Variants in BCAT1 observed in about 807,000 individuals in gnomAD.
BCAT1 encodes branched-chain-amino-acid aminotransferase, cytosolic.
BCAT1 carries 48 observed loss-of-function variants against 52.4 expected under a neutral mutation model. The observed-to-expected ratio is 0.92, with a 90% CI of 0.73 to 1.16. The LOEUF is 1.16. Ranked by LOEUF, BCAT1 falls within the 50% of genes most tolerant of loss-of-function variation. The pLI is 0.00. For synonymous variants in BCAT1, 167 were observed against 161.3 expected (o/e 1.04, Z -0.27); for missense variants, 451 against 457.1 (o/e 0.99, Z 0.12).
At position 24,901,897 on chromosome 12, in the gene BCAT1, A is replaced by ATTAAACCACCATTAAGTAAATGCAG; in HGVS notation, c.7-37_7-13dup. The ATTAAACCACCATTAAGTAAATGCAG allele has an allele frequency of 6.2e-7, 1 of 1,613,506 alleles. No homozygotes were observed. Among genetic ancestry groups the ATTAAACCACCATTAAGTAAATGCAG allele is most frequent in the South Asian group, 1.1e-5 (1 of 91,042 alleles). On this transcript the variant is annotated splice_polypyrimidine_tract_variant and intron_variant, in intron 1 of 10. Transcript: ENST00000261192. ...CCGTTACTGCAATCCTTAAAGAAGA[A>ATTAAACCACCATTAAGTAAATGCAG]TTAAACCACCATTAAGTAAATGCAG...
At chr12:24,925,801 G>A (rs961198411) in intron 1 of BCAT1, among the ~76,000 whole-genome samples, 6 of 151,854 alleles carry the variant, frequency 4.0e-5, no homozygotes, top group African/African-American at 7.3e-5. Flanking sequence ...TGTGTTGGCC[G>A]GGCTGGTCTC....
chr12:24,837,146 A>AAGGAAGGGAGGG (rs66475442), intron 7 of BCAT1, among the ~76,000 whole-genome samples: 4 of 91,922 alleles, frequency 4.4e-5, no homozygotes, highest in Non-Finnish European at 7.7e-5. Context: ...GGAAGGAAGG[A>AAGGAAGGGAGGG]AAGTTATCTA....
intron 1 of BCAT1, among the ~76,000 whole-genome samples, chr12:24,916,366 G>C (rs1448234155): frequency 6.6e-6 from 1 of 152,166 alleles, no homozygotes; most frequent in African/African-American, 2.4e-5. Flanking sequence ...GGTACCAGGT[G>C]TGTCTTTTTC....
intron 1 of BCAT1, among the ~76,000 whole-genome samples, chr12:24,906,853 T>C (rs1161913877): frequency 6.6e-6 from 1 of 152,216 alleles, no homozygotes; most frequent in East Asian, 1.9e-4. Flanking sequence ...CCAACCATGT[T>C]ATCCGCATCC....
intron 5 of BCAT1, among the ~76,000 whole-genome samples, chr12:24,861,991 G>A (rs985318767): frequency 4.6e-5 from 7 of 152,164 alleles, no homozygotes; most frequent in African/African-American, 1.7e-4. Context: ...AAATGCCATG[G>A]CAACATCCAG....
chr12:24,863,930 CAA>C (rs113367318), intron 5 of BCAT1, among the ~76,000 whole-genome samples: 8 of 136,670 alleles, frequency 5.9e-5, no homozygotes, highest in Admixed American at 1.5e-4. Context: ...GACCTTGTCT[CAA>C]AAAAAAAAAA....
intron 2 of BCAT1, among the ~76,000 whole-genome samples, chr12:24,898,866 T>C (rs529908739): frequency 5.9e-5 from 9 of 152,282 alleles, no homozygotes; most frequent in Middle Eastern, 6.8e-3. Context: ...CTTCTCTTCA[T>C]TGGCCACATT....
At chr12:24,932,483 C>T (rs1272822446) in intron 1 of BCAT1, among the ~76,000 whole-genome samples, 4 of 152,238 alleles carry the variant, frequency 2.6e-5, no homozygotes, top group African/African-American at 9.6e-5. Context: ...AGTTCTGTCA[C>T]TACTGCATCA....
At chr12:24,936,656 G>A (rs1214813221) in intron 1 of BCAT1, among the ~76,000 whole-genome samples, 1 of 151,108 alleles carries the variant, frequency 6.6e-6, no homozygotes, top group Non-Finnish European at 1.5e-5. Context: ...CAAGCCACCT[G>A]CATTCTTTGG....
intron 4 of BCAT1, among the ~76,000 whole-genome samples, 174 bp downstream of exon 4, chr12:24,881,127 G>A (rs904597287): frequency 2.0e-5 from 3 of 152,086 alleles, no homozygotes; most frequent in South Asian, 2.1e-4. Flanking sequence ...GAACCACCGT[G>A]CCCGGCCATT....
At chr12:24,867,936 C>T (rs1185491868) in intron 5 of BCAT1, among the ~76,000 whole-genome samples, 1 of 152,178 alleles carries the variant, frequency 6.6e-6, no homozygotes, top group Admixed American at 6.5e-5. Context: ...ACCTGGGAGA[C>T]AGAGGTTGCA....
intron 3 of BCAT1, among the ~76,000 whole-genome samples, chr12:24,883,811 C>T (rs934960948): frequency 1.4e-4 from 22 of 152,106 alleles, no homozygotes; most frequent in Admixed American, 3.3e-4. Context: ...ATAAAAAGTG[C>T]ACCACCTAGA....
At chr12:24,923,704 C>T (rs1173399533) in intron 1 of BCAT1, among the ~76,000 whole-genome samples, 1 of 152,208 alleles carries the variant, frequency 6.6e-6, no homozygotes, top group Non-Finnish European at 1.5e-5. Flanking sequence ...GCCACCATGC[C>T]CGGCCTTCAA....
intron 1 of BCAT1, among the ~76,000 whole-genome samples, chr12:24,928,632 CAA>C (rs34227038): frequency 1.6e-4 from 14 of 85,372 alleles, no homozygotes; most frequent in African/African-American, 7.0e-4. Flanking sequence ...GAGACAGTCT[CAA>C]AAAAAAAAAA....
intron 1 of BCAT1, among the ~76,000 whole-genome samples, chr12:24,917,777 G>A (rs1255946447): frequency 6.6e-6 from 1 of 152,172 alleles, no homozygotes; most frequent in Non-Finnish European, 1.5e-5. Context: ...GTTAATAAAT[G>A]TTACAAAGTT....
chr12:24,823,909 A>G (rs1178771022), intron 10 of BCAT1, among the ~76,000 whole-genome samples: 2 of 152,174 alleles, frequency 1.3e-5, no homozygotes, highest in Non-Finnish European at 2.9e-5. Context: ...TTTGGCTTCT[A>G]TAATCTTACT....
chr12:24,878,782 T>A (rs1217919599), intron 4 of BCAT1, 133 bp from the exon 5 acceptor site: 1 of 866,726 alleles, frequency 1.2e-6, no homozygotes, highest in Non-Finnish European at 1.7e-6. Flanking sequence ...ATGTTTGAGG[T>A]GATGGATATC....
intron 8 of BCAT1, among the ~76,000 whole-genome samples, chr12:24,833,352 C>A (rs1283472077): frequency 6.6e-6 from 1 of 151,978 alleles, no homozygotes; most frequent in Non-Finnish European, 1.5e-5. Flanking sequence ...AACCCTGTCT[C>A]TACTAAAAAT....
At chr12:24,830,443 T>C (rs1283102014) in intron 9 of BCAT1, 1 of 152,196 alleles carries the variant, frequency 6.6e-6, no homozygotes, top group Non-Finnish European at 1.5e-5. Flanking sequence ...CTCCACAATA[T>C]TGGATAGCAT....
Sources: allele counts gnomAD v4.1 joint callset (sites outside exome capture counted in the v4.1 genomes callset), GRCh38; gene constraint gnomAD v4.1.1; transcripts MANE v1.5; gene names NCBI Gene and HGNC (gene_info 2026-07-23, HGNC 2026-07-21).